The following GALNT13 variants were observed in gnomAD, a reference collection of about 807,000 sequenced individuals.
GALNT13 encodes the protein UDP-GalNAc:polypeptide N-acetylgalactosaminyltransferase 13.
A neutral mutation model predicts 64.2 loss-of-function variants in GALNT13; 28 were observed. That is an observed-to-expected ratio of 0.44 (90% CI 0.32 to 0.60). The LOEUF (loss-of-function observed/expected upper bound fraction) is 0.60, where lower values mean the gene tolerates loss of function less well. Among genes scored for constraint, GALNT13 ranks in the 20% least tolerant of loss-of-function variants. GALNT13 has a pLI of 0.05. For missense variants in GALNT13, 577 were observed against 669.8 expected (o/e 0.86, Z 1.53); for synonymous variants, 214 against 224.6 (o/e 0.95, Z 0.42).
chr2:154,319,524 G>T (rs1694509369), intron 9 of GALNT13, among the ~76,000 whole-genome samples: 1 of 151,978 alleles, frequency 6.6e-6, no homozygotes, highest in South Asian at 2.1e-4. Flanking sequence ...AATTAGCTGG[G>T]CATGGTGGTA....
chr2:154,322,904 T>A (rs1694699462), intron 9 of GALNT13, among the ~76,000 whole-genome samples: 1 of 152,030 alleles, frequency 6.6e-6, no homozygotes, highest in Non-Finnish European at 1.5e-5. Context: ...GGCATTTTGA[T>A]GTGACGGCTG....
chr2:153,075,100 G>A, the GALNT13 span, among the ~76,000 whole-genome samples: 2 of 152,088 alleles, frequency 1.3e-5, no homozygotes, highest in African/African-American at 2.4e-5. Context: ...AACCGTTTTA[G>A]TAGTTTTGAT....
the GALNT13 span, among the ~76,000 whole-genome samples, chr2:153,315,198 A>G: frequency 0.49 from 74,168 of 152,016 alleles, 18,558 homozygotes; most frequent in Non-Finnish European, 0.54. Context: ...CATGCAGACT[A>G]TTAGAACAAA....
chr2:154,321,944 T>G (rs1310200652), intron 9 of GALNT13, among the ~76,000 whole-genome samples: 2 of 152,084 alleles, frequency 1.3e-5, no homozygotes, highest in South Asian at 2.1e-4. Context: ...GATAACAAAC[T>G]GAAAATCTGA....
At chr2:153,696,011 C>G in the GALNT13 span, among the ~76,000 whole-genome samples, 1 of 151,934 alleles carries the variant, frequency 6.6e-6, no homozygotes, top group Non-Finnish European at 1.5e-5. Flanking sequence ...ATAGGATAGA[C>G]GTATATATAA....
chr2:154,379,186 T>C (rs1698146330), intron 9 of GALNT13, among the ~76,000 whole-genome samples: 2 of 152,066 alleles, frequency 1.3e-5, no homozygotes, highest in African/African-American at 2.4e-5. Flanking sequence ...CTTAGTAAAA[T>C]GGTTAAAAAT....
At chr2:154,095,741 G>A (rs1702042687) in intron 3 of GALNT13, among the ~76,000 whole-genome samples, 1 of 151,748 alleles carries the variant, frequency 6.6e-6, no homozygotes, top group Non-Finnish European at 1.5e-5. Flanking sequence ...GAATTTTAGG[G>A]CATTAAATAA....
the GALNT13 span, among the ~76,000 whole-genome samples, chr2:153,731,309 G>A: frequency 3.3e-5 from 5 of 151,734 alleles, no homozygotes; most frequent in South Asian, 2.1e-4. Flanking sequence ...ATGTGTACAC[G>A]TGGACATATA....
At chr2:153,645,275 A>G in the GALNT13 span, among the ~76,000 whole-genome samples, 1 of 152,142 alleles carries the variant, frequency 6.6e-6, no homozygotes. Context: ...AAATTTAACG[A>G]CCTTTTAAAT....
At chr2:153,491,284 G>A in the GALNT13 span, among the ~76,000 whole-genome samples, 1 of 152,050 alleles carries the variant, frequency 6.6e-6, no homozygotes, top group South Asian at 2.1e-4. Context: ...AAGAAAAAAT[G>A]TGAAGCTTCA....
intron 9 of GALNT13, among the ~76,000 whole-genome samples, chr2:154,369,318 T>A (rs781208046): frequency 6.6e-6 from 1 of 152,034 alleles, no homozygotes; most frequent in African/African-American, 2.4e-5. Flanking sequence ...TGGGGTAAGA[T>A]TCATTTATAG....
the GALNT13 span, among the ~76,000 whole-genome samples, chr2:153,311,295 T>C: frequency 6.6e-6 from 1 of 152,136 alleles, no homozygotes; most frequent in African/African-American, 2.4e-5. Flanking sequence ...TTTGGAGAAG[T>C]AGGATTTATA....
intron 3 of GALNT13, 65 bp downstream of exon 3, chr2:153,944,704 A>G: frequency 1.5e-6 from 2 of 1,354,816 alleles, no homozygotes; most frequent in Non-Finnish European, 2.0e-6. Flanking sequence ...TGACAAAATG[A>G]GAAACTTCAG....
the GALNT13 span, among the ~76,000 whole-genome samples, chr2:153,412,983 T>G: frequency 6.6e-6 from 1 of 152,108 alleles, no homozygotes; most frequent in African/African-American, 2.4e-5. Context: ...ATTATAAAAA[T>G]GTAGGTAAAT....
At chr2:153,533,846 T>G in the GALNT13 span, among the ~76,000 whole-genome samples, 1 of 151,296 alleles carries the variant, frequency 6.6e-6, no homozygotes. Context: ...GTTATTGTGT[T>G]TTTGATCTCT....
the GALNT13 span, among the ~76,000 whole-genome samples, chr2:153,359,406 G>A: frequency 6.6e-6 from 1 of 151,906 alleles, no homozygotes; most frequent in African/African-American, 2.4e-5. Context: ...GTAATAATAA[G>A]AATCTTTTTA....
In GALNT13 at chr2:154,259,173, C is replaced by T. The variant is rs16836400; in HGVS notation, c.975+35C>T. ...TTTTATTTTATTTTTTGATGCTGAA[C>T]ATACAATGCTGTAGCATGCACATAC... On this transcript the variant is annotated intron_variant, in intron 8 of 12. Transcript: ENST00000392825. 6,775 of 1,161,898 alleles carry T rather than the reference C, an allele frequency of 5.8e-3. 147 individuals carry two copies. In the African/African-American group the frequency reaches 0.064, roughly 11 times the overall value. 72.0% of individuals were successfully genotyped at this position (1,161,898 alleles called of 1,614,324 possible).
At chr2:154,318,034 G>C (rs992096413) in intron 9 of GALNT13, among the ~76,000 whole-genome samples, 1 of 151,954 alleles carries the variant, frequency 6.6e-6, no homozygotes, top group Non-Finnish European at 1.5e-5. Flanking sequence ...CAAGACAAAT[G>C]CCTTTCTTTA....
At chr2:154,370,145 G>A (rs1453363047) in intron 9 of GALNT13, among the ~76,000 whole-genome samples, 1 of 151,936 alleles carries the variant, frequency 6.6e-6, no homozygotes, top group Non-Finnish European at 1.5e-5. Flanking sequence ...AGTTTAGGTG[G>A]GGGATACAAG....
Sources: allele counts gnomAD v4.1 joint callset (sites outside exome capture counted in the v4.1 genomes callset), GRCh38; gene constraint gnomAD v4.1.1; transcripts MANE v1.5; gene names NCBI Gene and HGNC (gene_info 2026-07-23, HGNC 2026-07-21).